DNAH7: variants seen among roughly 807,000 people sequenced by gnomAD.
DNAH7 encodes axonemal beta dynein heavy chain 7.
DNAH7 carries 397 observed loss-of-function variants against 444.6 expected under a neutral mutation model. The ratio of observed to expected loss-of-function variants is 0.89; its 90% CI spans 0.82 to 0.97. The LOEUF (loss-of-function observed/expected upper bound fraction) is 0.97, where lower values mean the gene tolerates loss of function less well. Ranked by LOEUF, DNAH7 falls within the 50% of genes least tolerant of loss-of-function variation. The pLI is 0.00. For missense variants in DNAH7, 4,902 were observed against 4,800.8 expected (o/e 1.02, Z -0.62); for synonymous variants, 1,636 against 1,624.4 (o/e 1.01, Z -0.17).
In DNAH7 at chr2:195,934,758, C is replaced by T; in HGVS notation, c.3304G>A (p.Gly1102Arg). ...VQPHLKKCFE[G>R]IAKVEFTETL... ...TCCGTAAATTCTACCTTTGCGATTCCTTCAAAACATTTCTTCAAGTGAGGT... is the reference window on the plus strand; with the variant it reads ...TCCGTAAATTCTACCTTTGCGATTCTTTCAAAACATTTCTTCAAGTGAGGT... Residue 1102 changes from glycine (G) to arginine (R), a missense_variant, in exon 21 of 65, where the codon GGA (glycine) becomes AGA (arginine). Coordinates refer to ENST00000312428, the MANE Select transcript of DNAH7 (RefSeq NM_018897.3). 6.2e-7 allele frequency: 1 copy of T among 1,614,074 alleles called. No individual in the cohort carries two copies. Among genetic ancestry groups the T allele is most frequent in the Non-Finnish European group, 8.5e-7 (1 of 1,179,970 alleles).
intron 57 of DNAH7, among the ~76,000 whole-genome samples, chr2:195,792,005 A>T (rs574119720): frequency 2.6e-5 from 4 of 152,162 alleles, no homozygotes; most frequent in African/African-American, 9.6e-5. Flanking sequence ...GTCTCTACCA[A>T]AAAATATAAA....
At chr2:195,986,925 C>T (rs1373608779) in intron 14 of DNAH7, 141 bp downstream of exon 14, 3 of 772,482 alleles carry the variant, frequency 3.9e-6, no homozygotes. Flanking sequence ...ACACTTAAAG[C>T]CAAGCAGAAA....
At chr2:195,752,398 T>C (rs1237703903) in intron 63 of DNAH7, among the ~76,000 whole-genome samples, 3 of 152,306 alleles carry the variant, frequency 2.0e-5, no homozygotes, top group East Asian at 3.9e-4. Flanking sequence ...GTGCCATTTA[T>C]TGAAATGACT....
chr2:195,794,697 G>C (rs1025524008), intron 56 of DNAH7, among the ~76,000 whole-genome samples, 159 bp from the exon 57 acceptor site: 1 of 152,224 alleles, frequency 6.6e-6, no homozygotes, highest in Non-Finnish European at 1.5e-5. Flanking sequence ...ATCTGATGCT[G>C]CTCCTAAAAC....
intron 63 of DNAH7, among the ~76,000 whole-genome samples, chr2:195,751,100 GTTTTA>G (rs1184647075): frequency 1.3e-5 from 2 of 152,056 alleles, no homozygotes; most frequent in East Asian, 3.9e-4. Flanking sequence ...TTCTGTATTT[GTTTTA>G]TTTATTTATT....
intron 12 of DNAH7, chr2:195,994,838 CT>C: frequency 2.3e-6 from 1 of 437,394 alleles, no homozygotes; most frequent in South Asian, 2.0e-5. Flanking sequence ...AATTTTTTCT[CT>C]TCCTGACTGA....
In DNAH7 at chr2:196,058,161, G is replaced by A. The variant is rs770823456; in HGVS notation, c.16-45C>T. 9 of 1,494,692 alleles carry A rather than the reference G, an allele frequency of 6.0e-6. No individual in the cohort carries two copies. In the East Asian group the frequency reaches 1.9e-4, roughly 31 times the overall value. The allele number at this position is 1,494,692 out of a possible 1,614,324, so 92.6% of individuals were successfully genotyped here. The stretch of plus-strand genomic sequence containing the variant: ...AAACAAAACTGTTTACTCCGTTAAT[G>A]CTAAAATTGATTCACTCAACCAAAT... On this transcript the variant is annotated intron_variant, in intron 1 of 64. Transcript: ENST00000312428.
rs544481741 is a variant in DNAH7, at chr2:195,855,908, T to C, written c.8498A>G (p.Lys2833Arg). Residue 2833 changes from lysine to arginine, a missense_variant, in exon 45 of 65, where the codon AAG (lysine) becomes AGG (arginine). By Grantham distance (26) the Lys-to-Arg change is conservative (BLOSUM62 2). Coordinates refer to ENST00000312428, the MANE Select transcript of DNAH7 (RefSeq NM_018897.3). Reference protein sequence around the residue: ...ELKIAMDGLRKKQAALKEVQD... With the variant: ...ELKIAMDGLRRKQAALKEVQD... Reference sequence around the variant, plus strand: ...AACTTCCTTAAGGGCTGCCTGCTTCTTTCTAAGACCATCCATGGCAATTTT... The same window carrying C: ...AACTTCCTTAAGGGCTGCCTGCTTCCTTCTAAGACCATCCATGGCAATTTT... The C allele has an allele frequency of 2.6e-5, 42 of 1,614,130 alleles. No individual in the cohort carries two copies. The East Asian group carries it at 8.9e-4, about 34-fold the overall frequency.
At chr2:196,031,981 C>T (rs1696086867) in intron 5 of DNAH7, among the ~76,000 whole-genome samples, 2 of 152,104 alleles carry the variant, frequency 1.3e-5, no homozygotes, top group South Asian at 2.1e-4. Flanking sequence ...ACCAATTTAC[C>T]GTATTAGTCC....
chr2:195,807,962 A>G (rs532490550), intron 53 of DNAH7, among the ~76,000 whole-genome samples: 5 of 152,336 alleles, frequency 3.3e-5, no homozygotes, highest in African/African-American at 1.2e-4. Flanking sequence ...TGTATAGGTA[A>G]CAAAATAAAG....
intron 36 of DNAH7, 98 bp from the exon 37 acceptor site, chr2:195,876,797 C>CT: frequency 1.2e-6 from 1 of 812,358 alleles, no homozygotes; most frequent in South Asian, 1.8e-5. Context: ...CGAATTTAAC[C>CT]TTAAGTGTTG....
chr2:195,748,270 G>A (rs879251724), intron 63 of DNAH7, among the ~76,000 whole-genome samples: 9 of 152,110 alleles, frequency 5.9e-5, no homozygotes, highest in South Asian at 2.1e-4. Flanking sequence ...TAGGAATCCA[G>A]CTTACAAGGG....
At chr2:195,884,369 A>C (rs1701586925) in intron 35 of DNAH7, among the ~76,000 whole-genome samples, 1 of 152,236 alleles carries the variant, frequency 6.6e-6, no homozygotes, top group African/African-American at 2.4e-5. Context: ...TGTTCAGAGA[A>C]ATCAACTAGT....
intron 27 of DNAH7, among the ~76,000 whole-genome samples, chr2:195,905,996 T>G (rs953017389): frequency 3.3e-5 from 5 of 152,090 alleles, no homozygotes; most frequent in African/African-American, 1.2e-4. Flanking sequence ...GCACACTGAA[T>G]GTCCAAAAGT....
chr2:195,879,365 T>C (rs1026931583), intron 36 of DNAH7, among the ~76,000 whole-genome samples: 2 of 152,190 alleles, frequency 1.3e-5, no homozygotes, highest in Non-Finnish European at 1.5e-5. Context: ...TGGTTCTGTG[T>C]ATTGCTTACG....
At chr2:196,043,263 G>T (rs1478611634) in intron 5 of DNAH7, among the ~76,000 whole-genome samples, 1 of 151,906 alleles carries the variant, frequency 6.6e-6, no homozygotes, top group Non-Finnish European at 1.5e-5. Context: ...TATCTGTGAG[G>T]CTTTGAAAAT....
At chr2:195,742,272 G>A (rs935170889) in intron 63 of DNAH7, among the ~76,000 whole-genome samples, 1 of 152,114 alleles carries the variant, frequency 6.6e-6, no homozygotes, top group South Asian at 2.1e-4. Flanking sequence ...CAAAGTAAGA[G>A]AACTTTATAG....
Position 195,864,933 on chromosome 2 carries a change from A to G in DNAH7, c.6722T>C (p.Met2241Thr), listed in dbSNP as rs781071036. The G allele has an allele frequency of 2.5e-5, 41 of 1,611,618 alleles. No homozygotes were observed. Among genetic ancestry groups the G allele is most frequent in the Non-Finnish European group, 3.2e-5 (38 of 1,179,990 alleles). Residue 2241 changes from methionine to threonine, a missense_variant, in exon 41 of 65, where the codon ATG (methionine) becomes ACG (threonine). Met to Thr is a moderately conservative substitution (Grantham distance 81, BLOSUM62 -1). Coordinates refer to ENST00000312428, the MANE Select transcript of DNAH7 (RefSeq NM_018897.3). ...AAAAAGCTCATGAAAATCTTCATAC[A>G]TGTAGTTTCTCAAAATTTCTTGAAT... is the stretch of plus-strand genomic sequence containing the variant. ...NYIQEILRNY[M>T]YEDFHELFQR...
At chr2:195,950,518 T>C (rs909332984) in intron 19 of DNAH7, among the ~76,000 whole-genome samples, 5 of 152,038 alleles carry the variant, frequency 3.3e-5, no homozygotes, top group African/African-American at 4.8e-5. Context: ...TTCATTAGTC[T>C]GGCTAGCAGT....
Sources: allele counts gnomAD v4.1 joint callset (sites outside exome capture counted in the v4.1 genomes callset), GRCh38; gene constraint gnomAD v4.1.1; transcripts MANE v1.5; gene names NCBI Gene and HGNC (gene_info 2026-07-23, HGNC 2026-07-21).